The following DCDC1 variants were observed in gnomAD, a reference collection of about 807,000 sequenced individuals.
DCDC1 encodes the protein doublecortin domain-containing protein 1.
Under a neutral mutation model 178.3 loss-of-function variants are expected in DCDC1, and 200 were observed. That is an observed-to-expected ratio of 1.12 (90% CI 1.00 to 1.26). DCDC1 has a LOEUF of 1.26. DCDC1 is among the 50% of genes most tolerant of loss of function. The pLI, the probability that DCDC1 is intolerant of heterozygous loss-of-function variation, is 0.00. For missense variants in DCDC1, 1,983 were observed against 1,749.2 expected (o/e 1.13, Z -2.38); for synonymous variants, 690 against 604.8 (o/e 1.14, Z -2.07).
chr11:31,118,044 T>C (rs1960231038), intron 11 of DCDC1, among the ~76,000 whole-genome samples: 1 of 152,126 alleles, frequency 6.6e-6, no homozygotes, highest in Non-Finnish European at 1.5e-5. Context: ...ATATATTTAT[T>C]TTTATAGAAA....
intron 8 of DCDC1, among the ~76,000 whole-genome samples, chr11:31,244,132 A>G (rs1319778490): frequency 6.6e-6 from 1 of 151,824 alleles, no homozygotes; most frequent in Non-Finnish European, 1.5e-5. Context: ...GTTATACTAA[A>G]AAATAATAAT....
chr11:31,369,268 T>C (rs1952142982), intron 1 of DCDC1, among the ~76,000 whole-genome samples: 1 of 152,216 alleles, frequency 6.6e-6, no homozygotes, highest in South Asian at 2.1e-4. Flanking sequence ...CGTTTTTATG[T>C]TGTAAGTTGG....
At chr11:30,879,411 A>G (rs767294139) in intron 37 of DCDC1, among the ~76,000 whole-genome samples, 2 of 152,160 alleles carry the variant, frequency 1.3e-5, no homozygotes, top group Non-Finnish European at 2.9e-5. Context: ...TACTTACTTA[A>G]TGGCAACAAT....
rs1439901759 is a variant in DCDC1, at chr11:30,905,087, G to A, written c.4182C>T (p.Thr1394=). ...QARLLSLRMK[T]CTQAASHSGM... ...CACTGTGAGATGCAGCTTGCGTGCA[G>A]GTCTTCATCCGTAAAGACAATAGAC... Residue 1394 remains threonine, a synonymous_variant, in exon 31 of 39, where the codon ACC becomes ACT. Transcript: ENST00000684477. The A allele has an allele frequency of 6.2e-7, 1 of 1,613,594 alleles. No individual in the cohort carries two copies. The highest frequency in any genetic ancestry group is 8.5e-7 in the Non-Finnish European group (1 of 1,179,766).
At chr11:31,230,012 CA>C (rs759654049) in intron 9 of DCDC1, among the ~76,000 whole-genome samples, 14 of 152,136 alleles carry the variant, frequency 9.2e-5, no homozygotes, top group Non-Finnish European at 1.5e-4. Context: ...CTAGCCAGAA[CA>C]GTTAGACAAG....
intron 15 of DCDC1, among the ~76,000 whole-genome samples, chr11:31,100,521 C>T (rs575946363): frequency 6.6e-6 from 1 of 152,222 alleles, no homozygotes. Context: ...TCTGAGAAGG[C>T]TTTATGGAAG....
chr11:31,135,410 G>C (rs1245154316), intron 10 of DCDC1, among the ~76,000 whole-genome samples: 1 of 152,162 alleles, frequency 6.6e-6, no homozygotes, highest in Non-Finnish European at 1.5e-5. Context: ...CAAGGAGTAA[G>C]AAACAACTGA....
chr11:31,291,735 TC>T (rs1947243038), intron 6 of DCDC1, among the ~76,000 whole-genome samples: 1 of 152,136 alleles, frequency 6.6e-6, no homozygotes, highest in African/African-American at 2.4e-5. Context: ...CCTCATCTGC[TC>T]TTATTTGTTC....
intron 38 of DCDC1, among the ~76,000 whole-genome samples, chr11:30,873,781 C>A (rs531956196): frequency 6.6e-6 from 1 of 152,294 alleles, no homozygotes; most frequent in South Asian, 2.1e-4. Flanking sequence ...TAAGAAAACT[C>A]CAGGAAGCTG....
intron 20 of DCDC1, among the ~76,000 whole-genome samples, chr11:31,037,369 T>C (rs754309418): frequency 7.2e-5 from 11 of 152,150 alleles, no homozygotes; most frequent in Non-Finnish European, 1.2e-4. Flanking sequence ...TTGTTTGTTT[T>C]TGCTAGTGAT....
At chr11:31,314,023 A>AGTTC (rs1266196845) in intron 3 of DCDC1, among the ~76,000 whole-genome samples, 2 of 152,184 alleles carry the variant, frequency 1.3e-5, no homozygotes, top group South Asian at 2.1e-4. Flanking sequence ...CAGACAAAGT[A>AGTTC]GTTCCTTTTT....
chr11:31,095,862 T>G (rs896347151), intron 15 of DCDC1, among the ~76,000 whole-genome samples: 8 of 152,198 alleles, frequency 5.3e-5, no homozygotes, highest in Non-Finnish European at 1.2e-4. Context: ...TTATTCTAGG[T>G]TTTTTAGTAC....
chr11:30,868,839 C>A (rs1368136113), intron 38 of DCDC1, among the ~76,000 whole-genome samples: 2 of 152,238 alleles, frequency 1.3e-5, no homozygotes, highest in African/African-American at 4.8e-5. Context: ...GCCAAAGTCA[C>A]AGCAATCTAA....
chr11:31,307,574 A>G, intron 4 of DCDC1, 65 bp downstream of exon 4: 1 of 1,572,424 alleles, frequency 6.4e-7, no homozygotes. Context: ...GAAACATTAT[A>G]AACTCTGCTC....
intron 21 of DCDC1, among the ~76,000 whole-genome samples, chr11:30,950,465 CA>C (rs1333147667): frequency 1.3e-5 from 2 of 152,116 alleles, no homozygotes; most frequent in African/African-American, 4.8e-5. Context: ...AAGTATTCAT[CA>C]ACAGATGAAT....
At chr11:31,225,036 C>T (rs1258225552) in intron 9 of DCDC1, among the ~76,000 whole-genome samples, 1 of 152,050 alleles carries the variant, frequency 6.6e-6, no homozygotes, top group African/African-American at 2.4e-5. Context: ...AAAGAAGTCA[C>T]TACGTGAAAA....
chr11:31,059,384 A>C (rs998270411), intron 20 of DCDC1, among the ~76,000 whole-genome samples: 1 of 152,102 alleles, frequency 6.6e-6, no homozygotes, highest in Non-Finnish European at 1.5e-5. Flanking sequence ...AAAAAACAAA[A>C]TTATACCTTC....
chr11:31,203,382 C>T (rs979897404), intron 9 of DCDC1, among the ~76,000 whole-genome samples: 1 of 152,122 alleles, frequency 6.6e-6, no homozygotes. Flanking sequence ...TGCATTTTGA[C>T]CAGAGTATCT....
chr11:30,902,000 C>T lies in DCDC1; in HGVS notation c.4510+1482G>A, dbSNP rs536151174. 7.3e-5 allele frequency among the ~76,000 whole-genome samples: 11 copies of T among 151,672 alleles called. No homozygotes were observed. In the East Asian group the frequency reaches 2.1e-3, roughly 29 times the overall value. The stretch of plus-strand genomic sequence containing the variant: ...TGACTATTATTCATATTTATGAGGA[C>T]CAAATGAATATATTAATAATGATCA... On this transcript the variant is annotated intron_variant, in intron 32 of 38. Transcript: ENST00000684477.
Sources: gnomAD v4.1 joint callset for allele counts (sites outside exome capture counted in the v4.1 genomes callset) on GRCh38, gnomAD v4.1.1 for gene constraint, MANE v1.5 for transcripts, NCBI Gene and HGNC (gene_info 2026-07-23, HGNC 2026-07-21) for gene names.